The following GK variants were observed in gnomAD, a reference collection of about 807,000 sequenced individuals.
The protein encoded by GK is glycerol kinase.
A neutral mutation model predicts 56.4 loss-of-function variants in GK; 9 were observed. The ratio of observed to expected loss-of-function variants is 0.16; its 90% CI spans 0.10 to 0.28. GK has a LOEUF of 0.28. Among genes scored for constraint, GK ranks in the 10% least tolerant of loss-of-function variants. The pLI is 1.00. For missense variants in GK, 161 were observed against 431.4 expected, an observed-to-expected ratio of 0.37 and a Z score of 5.55; for synonymous variants, 104 against 144.1, an observed-to-expected ratio of 0.72 and a Z score of 1.99.
intron 4 of GK, among the ~76,000 whole-genome samples, chrX:30,681,329 C>T (rs1232228447): frequency 8.9e-6 from 1 of 111,859 alleles, no homozygotes; most frequent in African/African-American, 3.2e-5. Flanking sequence ...TGGGGTTTTA[C>T]CATCAGAGGA....
chrX:30,717,102 T>A (rs1936666065), intron 13 of GK, among the ~76,000 whole-genome samples: 1 of 111,791 alleles, frequency 8.9e-6, no homozygotes, highest in Non-Finnish European at 1.9e-5. Flanking sequence ...TTTTGACAAC[T>A]GACAACAAGA....
At chrX:30,723,585 A>C (rs968057662) in intron 18 of GK, 5 of 143,620 alleles carry the variant, frequency 3.5e-5, no homozygotes, top group Non-Finnish European at 5.4e-5. Flanking sequence ...ATCTCCCTTT[A>C]CCCTGCTGAA....
chrX:30,694,214 C>G (rs1601915558), intron 5 of GK, among the ~76,000 whole-genome samples, 186 bp from the exon 6 acceptor site: 1 of 111,855 alleles, frequency 8.9e-6, no homozygotes, highest in South Asian at 3.7e-4. Context: ...ACATGTCACC[C>G]TAATCTTTGT....
chrX:30,696,076 G>C lies in GK; in HGVS notation c.587G>C (p.Cys196Ser). 5 of 1,147,590 alleles carry C rather than the reference G, an allele frequency of 4.4e-6. No homozygotes were observed. Among genetic ancestry groups the C allele is most frequent in the Non-Finnish European group, 6.0e-6 (5 of 837,615 alleles). The allele number at this position is 1,147,590 out of a possible 1,213,427, so 94.6% of individuals were successfully genotyped here. A position where few individuals can be genotyped will look rare whatever the true frequency, so the allele number is the denominator to read the frequency against. Residue 196 changes from cysteine to serine, a missense_variant, in exon 7 of 21, where the codon TGT (cysteine) becomes TCT (serine). Transcript: ENST00000427190. The part of the protein sequence containing the change: ...LTGGVNGGVH[C>S]TDVTNASRTM... ...GGAGGAGTCAATGGAGGTGTCCACT[G>C]TACAGATGTAACAAATGCAAGTAGG... is the stretch of plus-strand genomic sequence containing the variant.
intron 19 of GK, chrX:30,724,752 G>C (rs748919459): frequency 6.8e-5 from 12 of 175,220 alleles, no homozygotes; most frequent in Non-Finnish European, 1.1e-4. Context: ...AGTCACTTAG[G>C]AAGGTCAAGA....
chrX:30,667,790 C>T (rs762913058), intron 2 of GK, among the ~76,000 whole-genome samples: 6 of 111,667 alleles, frequency 5.4e-5, no homozygotes, highest in Non-Finnish European at 1.1e-4. Flanking sequence ...CATTAGTGGC[C>T]TCCTTGAAAA....
At chrX:30,713,660 CATTAAACTCAT>C (rs1476319762) in intron 13 of GK, among the ~76,000 whole-genome samples, 1 of 111,881 alleles carries the variant, frequency 8.9e-6, no homozygotes. Flanking sequence ...TGTTCTGTGA[CATTAAACTCAT>C]ATTAAACTGG....
intron 1 of GK, among the ~76,000 whole-genome samples, chrX:30,655,932 T>C (rs766915923): frequency 1.1e-4 from 12 of 112,392 alleles, no homozygotes; most frequent in East Asian, 8.3e-4. Flanking sequence ...TCTCATTGCA[T>C]GTAAGCTAAG....
At chrX:30,666,012 T>A (rs920176604) in intron 2 of GK, among the ~76,000 whole-genome samples, 1 of 112,095 alleles carries the variant, frequency 8.9e-6, no homozygotes, top group African/African-American at 3.2e-5. Flanking sequence ...TCATAAGTAG[T>A]AATTGTGATT....
intron 13 of GK, among the ~76,000 whole-genome samples, chrX:30,709,949 T>G (rs1020073822): frequency 1.8e-5 from 2 of 111,525 alleles, no homozygotes; most frequent in Non-Finnish European, 3.8e-5. Context: ...TAGTCTGAAT[T>G]CGTTTTCACT....
chrX:30,699,615 C>T (rs1413558289), intron 9 of GK, among the ~76,000 whole-genome samples: 1 of 109,907 alleles, frequency 9.1e-6, no homozygotes, highest in Non-Finnish European at 1.9e-5. Flanking sequence ...CCTCCCACCT[C>T]GGCCTCCCAA....
chrX:30,694,671 C>T, intron 6 of GK, 134 bp downstream of exon 6: 2 of 532,532 alleles, frequency 3.8e-6, no homozygotes, highest in Non-Finnish European at 6.3e-6. Flanking sequence ...CAAAAAGCAA[C>T]AGGAGAAGTT....
intron 3 of GK, among the ~76,000 whole-genome samples, chrX:30,676,973 A>G (rs973534835): frequency 8.9e-6 from 1 of 111,992 alleles, no homozygotes; most frequent in Non-Finnish European, 1.9e-5. Flanking sequence ...AAATGCACAC[A>G]CATAGGGAGG....
chrX:30,710,982 C>T lies in GK; in HGVS notation c.975+2848C>T, dbSNP rs888502694. ...AAGCTTTCATTTCCCCCATTTTGTT[C>T]AACATGTAATAATTACTGTTGTTTT... On this transcript the variant is annotated intron_variant, in intron 13 of 20. Coordinates refer to ENST00000427190, the MANE Select transcript of GK (RefSeq NM_001205019.2). 2.7e-5 allele frequency among the ~76,000 whole-genome samples: 3 copies of T among 111,558 alleles called. No individual in the cohort carries two copies. The East Asian group carries it at 8.3e-4, about 31-fold the overall frequency.
chrX:30,663,431 G>A (rs1932848311), intron 1 of GK, among the ~76,000 whole-genome samples: 1 of 111,626 alleles, frequency 9.0e-6, no homozygotes, highest in Non-Finnish European at 1.9e-5. Flanking sequence ...GGATACTTCA[G>A]TGAATAAAAC....
At chrX:30,665,612 A>G (rs767784694) in intron 2 of GK, 28 bp downstream of exon 2, 8 of 881,480 alleles carry the variant, frequency 9.1e-6, no homozygotes, top group Non-Finnish European at 1.3e-5. Flanking sequence ...ATATGTAAAG[A>G]CACATTATGT....
chrX:30,694,029 T>A (rs905904544), intron 5 of GK, among the ~76,000 whole-genome samples: 1 of 112,441 alleles, frequency 8.9e-6, no homozygotes, highest in Non-Finnish European at 1.9e-5. Context: ...TTTTTAATAG[T>A]TTAAATGTCA....
chrX:30,704,149 T>TGA (rs1555917633), intron 11 of GK, among the ~76,000 whole-genome samples: 15 of 96,717 alleles, frequency 1.6e-4, no homozygotes, highest in African/African-American at 6.4e-4. Flanking sequence ...TATATATATA[T>TGA]GAGATAGGGT....
intron 1 of GK, among the ~76,000 whole-genome samples, chrX:30,662,869 C>CTTTTTTCTT (rs10644351): frequency 1.7e-5 from 1 of 60,302 alleles, no homozygotes; most frequent in Non-Finnish European, 2.9e-5. Flanking sequence ...TTCTTTCTTT[C>CTTTTTTCTT]TCTTTCTTTC....
Sources: gnomAD v4.1 joint callset for allele counts (sites outside exome capture counted in the v4.1 genomes callset) on GRCh38, gnomAD v4.1.1 for gene constraint, MANE v1.5 for transcripts, NCBI Gene and HGNC (gene_info 2026-07-23, HGNC 2026-07-21) for gene names.